TNNI3K: variants seen among roughly 807,000 people sequenced by gnomAD.
TNNI3K encodes TNNI3 interacting kinase.
Under a neutral mutation model 114.5 loss-of-function variants are expected in TNNI3K, and 140 were observed. That is an observed-to-expected ratio of 1.22 (90% CI 1.07 to 1.41). The LOEUF (loss-of-function observed/expected upper bound fraction) is 1.41. TNNI3K is among the 40% of genes most tolerant of loss of function. The pLI, the probability that TNNI3K is intolerant of heterozygous loss-of-function variation, is 0.00. For synonymous variants in TNNI3K, 347 were observed against 347.5 expected (o/e 1.00, Z 0.02); for missense variants, 1,125 against 1,007.6 (o/e 1.12, Z -1.58).
chr1:74,335,773 C>T (rs1397146784), intron 6 of TNNI3K, among the ~76,000 whole-genome samples: 1 of 152,148 alleles, frequency 6.6e-6, no homozygotes, highest in Non-Finnish European at 1.5e-5. Context: ...AGCTCTCTTA[C>T]TACCATGAGT....
At chr1:74,433,451 G>C (rs1487939220) in intron 17 of TNNI3K, among the ~76,000 whole-genome samples, 1 of 152,102 alleles carries the variant, frequency 6.6e-6, no homozygotes, top group African/African-American at 2.4e-5. Context: ...GAATCTTAGA[G>C]ATGGTATTAC....
At chr1:74,418,363 T>C in intron 17 of TNNI3K, 1 of 180,952 alleles carries the variant, frequency 5.5e-6, no homozygotes, top group Non-Finnish European at 1.2e-5. Flanking sequence ...GTTTAAGAAG[T>C]TGTTATTTGG....
intron 5 of TNNI3K, among the ~76,000 whole-genome samples, chr1:74,298,427 C>A (rs192930556): frequency 5.3e-5 from 8 of 152,098 alleles, no homozygotes; most frequent in Admixed American, 5.2e-4. Flanking sequence ...TTGTGTATGT[C>A]CGATTTAAGT....
chr1:74,253,421 G>A (rs1161446417), intron 4 of TNNI3K, among the ~76,000 whole-genome samples: 1 of 152,152 alleles, frequency 6.6e-6, no homozygotes, highest in East Asian at 1.9e-4. Flanking sequence ...GGCCATGCAA[G>A]AGCCCATGGC....
intron 5 of TNNI3K, among the ~76,000 whole-genome samples, chr1:74,310,897 C>A (rs1030199037): frequency 8.5e-5 from 13 of 152,054 alleles, no homozygotes; most frequent in Non-Finnish European, 1.8e-4. Flanking sequence ...CAGTGAAAGA[C>A]CACCTCGTTC....
chr1:74,341,653 CAG>C (rs1660753213), intron 7 of TNNI3K: 1 of 151,590 alleles, frequency 6.6e-6, no homozygotes, highest in African/African-American at 2.4e-5. Context: ...ATGTAGCACA[CAG>C]AATCTTCTTC....
At chr1:74,328,387 T>G (rs975838640) in intron 5 of TNNI3K, among the ~76,000 whole-genome samples, 2 of 151,402 alleles carry the variant, frequency 1.3e-5, no homozygotes, top group Non-Finnish European at 2.9e-5. Context: ...AATGTTGGTA[T>G]GAGTGTACTT....
At chr1:74,517,223 T>G (rs1342792124) in intron 23 of TNNI3K, among the ~76,000 whole-genome samples, 1 of 152,206 alleles carries the variant, frequency 6.6e-6, no homozygotes, top group Non-Finnish European at 1.5e-5. Flanking sequence ...ATTAATCCAA[T>G]TTTACAGATG....
intron 20 of TNNI3K, among the ~76,000 whole-genome samples, chr1:74,450,562 A>G (rs1311129205): frequency 6.6e-6 from 1 of 152,154 alleles, no homozygotes; most frequent in Non-Finnish European, 1.5e-5. Flanking sequence ...TACATGAAAA[A>G]AAACCCATTA....
intron 17 of TNNI3K, among the ~76,000 whole-genome samples, chr1:74,395,342 C>CTG (rs57942150): frequency 0.93 from 140,930 of 152,004 alleles, 65,355 homozygotes; most frequent in East Asian, 0.98. Context: ...ATGGGGAACT[C>CTG]TGCCTGCATG....
At chr1:74,340,247 T>C (rs1660684952) in intron 7 of TNNI3K, among the ~76,000 whole-genome samples, 6 of 152,100 alleles carry the variant, frequency 3.9e-5, no homozygotes. Flanking sequence ...ATCTACCTAC[T>C]CTCTTCAAAA....
At chr1:74,477,631 C>A (rs571523031) in intron 21 of TNNI3K, among the ~76,000 whole-genome samples, 2 of 152,266 alleles carry the variant, frequency 1.3e-5, no homozygotes, top group South Asian at 4.1e-4. Context: ...GATACAGTTT[C>A]TCCTCTAATT....
chr1:74,358,195 G>T (rs547247207), intron 11 of TNNI3K, among the ~76,000 whole-genome samples: 1 of 152,134 alleles, frequency 6.6e-6, no homozygotes, highest in African/African-American at 2.4e-5. Flanking sequence ...ATTCGTTTCA[G>T]TACTGACACC....
At chr1:74,500,591 G>T (rs1183187848) in intron 23 of TNNI3K, among the ~76,000 whole-genome samples, 171 of 93,994 alleles carry the variant, frequency 1.8e-3, no homozygotes, top group African/African-American at 6.7e-3. Context: ...GCGACAGAGC[G>T]AGACTCCGTC....
Position 74,342,831 on chromosome 1 carries a change from G to T in TNNI3K, c.683-11G>T. The T allele has an allele frequency of 6.2e-7, 1 of 1,612,672 alleles. No individual in the cohort carries two copies. On this transcript the variant is annotated splice_polypyrimidine_tract_variant and intron_variant, in intron 7 of 24. Coordinates refer to ENST00000326637, the MANE Select transcript of TNNI3K (RefSeq NM_015978.3). The stretch of plus-strand genomic sequence containing the variant: ...TAGATAACATATCTTTTTCTTTCTT[G>T]CTGATAACAGTGAATGCTCAAGATA...
chr1:74,264,638 G>C (rs1655862234), intron 4 of TNNI3K, among the ~76,000 whole-genome samples: 1 of 151,996 alleles, frequency 6.6e-6, no homozygotes, highest in African/African-American at 2.4e-5. Context: ...TCAAAGTTCA[G>C]CTCCTTCTTG....
chr1:74,289,847 G>A (rs1374319816), intron 5 of TNNI3K, among the ~76,000 whole-genome samples: 5 of 151,950 alleles, frequency 3.3e-5, no homozygotes, highest in East Asian at 3.9e-4. Context: ...CTCTGACACC[G>A]ATAATACTAA....
At chr1:74,509,982 G>A (rs1416193187) in intron 23 of TNNI3K, among the ~76,000 whole-genome samples, 3 of 151,912 alleles carry the variant, frequency 2.0e-5, no homozygotes, top group African/African-American at 7.3e-5. Flanking sequence ...TTGAATTCCT[G>A]AATTCAAGCG....
At chr1:74,392,737 C>T (rs191811245) in intron 17 of TNNI3K, among the ~76,000 whole-genome samples, 56 of 152,212 alleles carry the variant, frequency 3.7e-4, no homozygotes, top group African/African-American at 1.2e-3. Context: ...GTATTGTGAC[C>T]GAGTACCTCC....
Sources: allele counts gnomAD v4.1 joint callset (sites outside exome capture counted in the v4.1 genomes callset), GRCh38; gene constraint gnomAD v4.1.1; transcripts MANE v1.5; gene names NCBI Gene and HGNC (gene_info 2026-07-23, HGNC 2026-07-21).